Variants in PLIN2 observed in about 807,000 individuals in gnomAD.
The protein encoded by PLIN2 is perilipin 2.
PLIN2 carries 33 observed loss-of-function variants against 30.6 expected under a neutral mutation model. The observed-to-expected ratio is 1.08, with a 90% CI of 0.82 to 1.44. The LOEUF (loss-of-function observed/expected upper bound fraction) is 1.44, where lower values mean the gene tolerates loss of function less well. Among genes scored for constraint, PLIN2 ranks in the 40% most tolerant of loss-of-function variants. The pLI, the probability that PLIN2 is intolerant of heterozygous loss-of-function variation, is 0.00. For missense variants in PLIN2, 610 were observed against 531.8 expected, an observed-to-expected ratio of 1.15 and a Z score of -1.45; for synonymous variants, 205 against 201.1, an observed-to-expected ratio of 1.02 and a Z score of -0.16.
At chr9:19,117,925 C>T (rs761324102) in intron 7 of PLIN2, among the ~76,000 whole-genome samples, 3 of 152,166 alleles carry the variant, frequency 2.0e-5, no homozygotes, top group African/African-American at 4.8e-5. Flanking sequence ...CCAATAGTAC[C>T]TGTATTTATG....
downstream of PLIN2, among the ~76,000 whole-genome samples, chr9:19,111,547 C>T (rs1190059655): frequency 2.0e-5 from 3 of 152,094 alleles, no homozygotes; most frequent in Non-Finnish European, 2.9e-5. Context: ...CCTAAAAATA[C>T]GACCTGGGAC....
Position 19,123,287 on chromosome 9 carries a change from G to C in PLIN2, c.309+278C>G, listed in dbSNP as rs1270040400. ...AATACCACAAGACAATCAGTTACTTGAGACAGCAATTTCATTTATAGGAGC... is the reference window on the plus strand; with the variant it reads ...AATACCACAAGACAATCAGTTACTTCAGACAGCAATTTCATTTATAGGAGC... On this transcript the variant is annotated intron_variant, in intron 4 of 7. Coordinates refer to ENST00000276914, the MANE Select transcript of PLIN2 (RefSeq NM_001122.4). 7 of 1,393,020 alleles carry C rather than the reference G, an allele frequency of 5.0e-6. No homozygotes were observed. The East Asian group carries it at 1.0e-4, about 20-fold the overall frequency. 86.3% of individuals were successfully genotyped at this position (1,393,020 alleles called of 1,614,324 possible).
chr9:19,113,625 G>C (rs1818184142), downstream of PLIN2, among the ~76,000 whole-genome samples: 1 of 150,380 alleles, frequency 6.6e-6, no homozygotes. Flanking sequence ...CCAGGCAGGA[G>C]TGCAGTGTCA....
downstream of PLIN2, among the ~76,000 whole-genome samples, chr9:19,113,694 C>A (rs945426536): frequency 1.3e-5 from 2 of 151,700 alleles, no homozygotes; most frequent in Non-Finnish European, 2.9e-5. Flanking sequence ...TGTGCCTCAG[C>A]CCCCAAGTAG....
rs548340271 is a variant in PLIN2 at position 19,120,774 on chromosome 9, C to A, written c.595+106G>T. 1.5e-5 allele frequency: 13 copies of A among 886,266 alleles called. No homozygotes were observed. In the Admixed American group the frequency reaches 1.6e-4, roughly 11 times the overall value. The allele number at this position is 886,266 out of a possible 1,614,324, so 54.9% of individuals were successfully genotyped here. On this transcript the variant is annotated intron_variant, in intron 5 of 7. Coordinates refer to ENST00000276914, the MANE Select transcript of PLIN2 (RefSeq NM_001122.4). ...GTTCTGAAACTGGATTGCAGTGATG[C>A]TTGCACAACTGTGTAAATTTAGACT...
chr9:19,122,336 G>GATTATA (rs1287866160), intron 4 of PLIN2, among the ~76,000 whole-genome samples: 11 of 151,978 alleles, frequency 7.2e-5, no homozygotes, highest in African/African-American at 2.7e-4. Context: ...AGTCCCATAA[G>GATTATA]ATTATAATGA....
chr9:19,123,606 T>C lies in PLIN2; in HGVS notation c.268A>G (p.Ile90Val). The C allele has an allele frequency of 6.2e-7, 1 of 1,614,172 alleles. No individual in the cohort carries two copies. The highest frequency in any genetic ancestry group is 8.5e-7 in the Non-Finnish European group (1 of 1,180,020). ...TTCAGAATAGGCAGTCTCTCCTCAA[T>C]CCTGTCTAGCCCCTTACAGGCATAG... ...NTYACKGLDR[I>V]EERLPILNQP... is the part of the protein sequence containing the mutation. Residue 90 changes from isoleucine (I) to valine (V), a missense_variant, in exon 4 of 8, where the codon ATT (isoleucine) becomes GTT (valine). Transcript: ENST00000276914.
chr9:19,116,769 T>C (rs1588642548), intron 7 of PLIN2, 120 bp from the exon 8 acceptor site: 4 of 756,824 alleles, frequency 5.3e-6, no homozygotes, highest in Non-Finnish European at 4.3e-6. Flanking sequence ...TTAAAAATCC[T>C]CATTACAATG....
In PLIN2 at chr9:19,116,005, A is replaced by AT; in HGVS notation, c.*242dup. 1 of 385,724 alleles carries AT rather than the reference A, an allele frequency of 2.6e-6. No individual in the cohort carries two copies. Among genetic ancestry groups the AT allele is most frequent in the South Asian group, 5.5e-5 (1 of 18,172 alleles). 23.9% of individuals were successfully genotyped at this position (385,724 alleles called of 1,614,324 possible). A position where few individuals can be genotyped will look rare whatever the true frequency, so the allele number is the denominator to read the frequency against. On this transcript the variant is annotated 3_prime_UTR_variant, in exon 8 of 8. Transcript: ENST00000276914. Reference sequence around the variant, plus strand: ...AGAATGAGAACATAAGTGCATTTGAATTTTTTCTGAGTTCTGGCTATAGGC... The same window carrying AT: ...AGAATGAGAACATAAGTGCATTTGAATTTTTTTCTGAGTTCTGGCTATAGGC...
chr9:19,123,330 G>T, intron 4 of PLIN2: 1 of 1,546,524 alleles, frequency 6.5e-7, no homozygotes. Context: ...CAAACTGATA[G>T]ACAACACACT....
chr9:19,123,421 T>C (rs1818348923), intron 4 of PLIN2, 144 bp downstream of exon 4: 2 of 1,553,062 alleles, frequency 1.3e-6, no homozygotes, highest in African/African-American at 2.7e-5. Flanking sequence ...AGTAAGGAAG[T>C]GGCCATTATT....
At chr9:19,126,078 G>C (rs1387281677) in intron 3 of PLIN2, 36 bp downstream of exon 3, 1 of 1,586,870 alleles carries the variant, frequency 6.3e-7, no homozygotes, top group Non-Finnish European at 8.6e-7. Flanking sequence ...CCACTGACCA[G>C]TCCCTTGACT....
In PLIN2 at chr9:19,126,298, A is replaced by G; in HGVS notation, c.42T>C (p.Thr14=). 6.2e-7 allele frequency: 1 copy of G among 1,613,948 alleles called. No individual in the cohort carries two copies. Among genetic ancestry groups the G allele is most frequent in the Non-Finnish European group, 8.5e-7 (1 of 1,179,848 alleles). The change falls in exon 3 of 8, where the codon ACT becomes ACC. Residue 14 remains threonine (T), a synonymous_variant. Transcript: ENST00000276914. ...VAVDPQPSVV[T]RVVNLPLVSS... ...TCACCAAGGGCAGGTTGACCACCCGAGTCACCACACTCTGCAATCAAAGTA... is the reference window on the plus strand; with the variant it reads ...TCACCAAGGGCAGGTTGACCACCCGGGTCACCACACTCTGCAATCAAAGTA...
chr9:19,116,446 A>G lies in PLIN2; in HGVS notation c.1116T>C (p.Thr372=). The change falls in exon 8 of 8, where the codon ACT becomes ACC. Residue 372 remains threonine, a synonymous_variant. Transcript: ENST00000276914. ...TTTTCTGCAGCTGCCCCTTGCTAGA[A>G]GTGAGGAGGCTGTCAGACACTTCTT... ...SFKEVSDSLL[T]SSKGQLQKMK... 6.2e-7 allele frequency: 1 copy of G among 1,614,190 alleles called. No individual in the cohort carries two copies. Among genetic ancestry groups the G allele is most frequent in the Middle Eastern group, 1.6e-4 (1 of 6,062 alleles).
downstream of PLIN2, among the ~76,000 whole-genome samples, chr9:19,111,421 T>C (rs1588639507): frequency 6.6e-6 from 1 of 152,190 alleles, no homozygotes; most frequent in Non-Finnish European, 1.5e-5. Flanking sequence ...ATAGGCTGCC[T>C]GCCTCTCACC....
At chr9:19,114,353 G>A (rs112654061), downstream of PLIN2, among the ~76,000 whole-genome samples, 1 of 152,118 alleles carries the variant, frequency 6.6e-6, no homozygotes, top group Non-Finnish European at 1.5e-5. Context: ...TTCTGCTGAG[G>A]GCAGCCCTGC....
chr9:19,113,764 G>T (rs1334905547), downstream of PLIN2, among the ~76,000 whole-genome samples: 10 of 140,548 alleles, frequency 7.1e-5, no homozygotes, highest in South Asian at 6.8e-4. Context: ...TTTTGTTGTT[G>T]TTATTTTTGG....
At chr9:19,119,373 C>G (rs1250523941) in intron 6 of PLIN2, among the ~76,000 whole-genome samples, 1 of 152,224 alleles carries the variant, frequency 6.6e-6, no homozygotes, top group Non-Finnish European at 1.5e-5. Context: ...AAGTGTGGTT[C>G]TTTCTCTACA....
intron 4 of PLIN2, among the ~76,000 whole-genome samples, chr9:19,121,680 C>G (rs1818319411): frequency 6.6e-6 from 1 of 152,132 alleles, no homozygotes; most frequent in Non-Finnish European, 1.5e-5. Context: ...GCCTGTAATG[C>G]CAGCACTTTG....
Sources: gnomAD v4.1 joint callset for allele counts (sites outside exome capture counted in the v4.1 genomes callset) on GRCh38, gnomAD v4.1.1 for gene constraint, MANE v1.5 for transcripts, NCBI Gene and HGNC (gene_info 2026-07-23, HGNC 2026-07-21) for gene names.